Variants in FAHD2B observed in about 807,000 individuals in gnomAD.
FAHD2B encodes the protein fumarylacetoacetate hydrolase domain containing 2B.
In FAHD2B, 26 loss-of-function variants were observed where a neutral mutation model predicts 33.7. That is an observed-to-expected ratio of 0.77 (90% CI 0.57 to 1.07). FAHD2B has a LOEUF of 1.07. Ranked by LOEUF, FAHD2B falls within the 50% of genes least tolerant of loss-of-function variation. The pLI is 0.00. For synonymous variants in FAHD2B, 108 were observed against 150.9 expected, an observed-to-expected ratio of 0.72 and a Z score of 2.08; for missense variants, 272 against 388.1, an observed-to-expected ratio of 0.70 and a Z score of 2.51.
downstream of FAHD2B, among the ~76,000 whole-genome samples, chr2:97,079,642 CTTT>C (rs1206224446): frequency 3.3e-5 from 5 of 149,736 alleles, 1 homozygote; most frequent in African/African-American, 7.3e-5. Context: ...GTTTAAATTT[CTTT>C]TTTATTTTAT....
At chr2:97,080,900 TATAGAA>T (rs1159809877), downstream of FAHD2B, among the ~76,000 whole-genome samples, 1 of 152,154 alleles carries the variant, frequency 6.6e-6, no homozygotes, top group Non-Finnish European at 1.5e-5. Context: ...GTTGTTGGTG[TATAGAA>T]ATGCTATAAC....
At chr2:97,086,463 C>G in intron 4 of FAHD2B, 1 of 501,282 alleles carries the variant, frequency 2.0e-6, no homozygotes. Flanking sequence ...GTCCAGGGCA[C>G]TGAGTTTAAA....
intron 1 of FAHD2B, among the ~76,000 whole-genome samples, chr2:97,093,715 C>T (rs1311902865): frequency 3.3e-5 from 5 of 152,134 alleles, no homozygotes; most frequent in East Asian, 1.9e-4. Flanking sequence ...CCTTGTGATC[C>T]GCCCACCTCG....
chr2:97,091,087 G>A (rs2032307488), intron 3 of FAHD2B, among the ~76,000 whole-genome samples: 1 of 72,768 alleles, frequency 1.4e-5, no homozygotes, highest in African/African-American at 4.0e-5. Flanking sequence ...CTCCTTGTAG[G>A]AGCTGGGAGT....
chr2:97,084,489 A>G (rs1216295037), intron 6 of FAHD2B, among the ~76,000 whole-genome samples: 1 of 151,950 alleles, frequency 6.6e-6, no homozygotes, highest in African/African-American at 2.4e-5. Context: ...ACCAGGCAGT[A>G]GTCACTTGAA....
downstream of FAHD2B, chr2:97,082,543 C>T (rs992846388): frequency 6.3e-7 from 1 of 1,598,276 alleles, no homozygotes; most frequent in Non-Finnish European, 8.5e-7. Flanking sequence ...CAGACAGTGA[C>T]AACCCAAGTC....
In FAHD2B at chr2:97,085,884, C is replaced by G. The variant is rs1574373107; in HGVS notation, c.523-23G>C. The G allele has an allele frequency of 3.1e-6, 5 of 1,613,572 alleles. No individual in the cohort carries two copies. In the East Asian group the frequency reaches 1.1e-4, roughly 36 times the overall value. On this transcript the variant is annotated intron_variant, in intron 5 of 8. Coordinates refer to ENST00000414820, the MANE Select transcript of FAHD2B (RefSeq NM_001320848.2). Reference sequence around the variant, plus strand: ...GGCCTATGGGGGCAGGGGATTTGGCCATACAGGAGGTTAGATCACGGGTGA... The same window carrying G: ...GGCCTATGGGGGCAGGGGATTTGGCGATACAGGAGGTTAGATCACGGGTGA...
intron 1 of FAHD2B, 33 bp from the exon 2 acceptor site, chr2:97,092,021 C>G (rs974032148): frequency 2.0e-5 from 6 of 295,762 alleles, no homozygotes; most frequent in Non-Finnish European, 3.8e-5. Context: ...GTAGGTCAAA[C>G]TCAGCCCTGC....
At chr2:97,083,457 C>T (rs2031737051), downstream of FAHD2B, 1 of 1,272,956 alleles carries the variant, frequency 7.9e-7, no homozygotes, top group Non-Finnish European at 1.1e-6. Context: ...GTTGTCTTTT[C>T]CCCAGCCCAG....
Position 97,090,462 on chromosome 2 carries a change from G to C in FAHD2B, c.246-137C>G, listed in dbSNP as rs2924056. On this transcript the variant is annotated intron_variant, in intron 3 of 8. Transcript: ENST00000414820. ...CTAGCTCTATCAACCATCAGAGTCAGTGTGAAAACCACTGACTATTGTCCT... is the reference window on the plus strand; with the variant it reads ...CTAGCTCTATCAACCATCAGAGTCACTGTGAAAACCACTGACTATTGTCCT... 2.1e-5 allele frequency: 31 copies of C among 1,454,116 alleles called. No homozygotes were observed. The East Asian group carries it at 7.0e-4, about 33-fold the overall frequency. 90.1% of individuals were successfully genotyped at this position (1,454,116 alleles called of 1,614,324 possible). A position where few individuals can be genotyped will look rare whatever the true frequency, so the allele number is the denominator to read the frequency against.
rs374148378 is a variant in FAHD2B, at chr2:97,091,267, T to A, written c.245+195A>T. On this transcript the variant is annotated intron_variant, in intron 3 of 8. Transcript: ENST00000414820. ...TTGTTAATCACCTCCCCTAGCTCTC[T>A]GTTTTCTCCTCTGAAAACTGAAGAT... Among the ~76,000 whole-genome samples, 546 of 131,772 alleles carry A rather than the reference T, an allele frequency of 4.1e-3. 3 individuals are homozygous for A. The highest frequency in any genetic ancestry group is 0.011 in the African/African-American group (379 of 34,484). 86.4% of individuals were successfully genotyped at this position (131,772 alleles called of 152,430 possible). A position where few individuals can be genotyped will look rare whatever the true frequency, so the allele number is the denominator to read the frequency against.
At chr2:97,079,353 T>C (rs1407941202), downstream of FAHD2B, among the ~76,000 whole-genome samples, 1 of 152,128 alleles carries the variant, frequency 6.6e-6, no homozygotes, top group African/African-American at 2.4e-5. Flanking sequence ...ATCACACTGT[T>C]TTCCACAATG....
rs763094611 is a variant in FAHD2B, at chr2:97,085,790, T to C, written c.594A>G (p.Thr198=). Residue 198 remains threonine (T), a synonymous_variant, in exon 6 of 9, where the codon ACA becomes ACG. Transcript: ENST00000414820. ...GCAGCCACTGTTTCCCATTGCGTCT[T>C]GTTAGCCAGTCACGAGCACTCACGT... ...AHDVSARDWL[T]RRNGKQWLLG... 3.7e-6 allele frequency: 6 copies of C among 1,613,662 alleles called. No individual in the cohort carries two copies. The highest frequency in any genetic ancestry group is 1.3e-5 in the African/African-American group (1 of 74,902).
chr2:97,081,503 G>A (rs540435652), downstream of FAHD2B: 224 of 1,576,706 alleles, frequency 1.4e-4, 3 homozygotes, highest in East Asian at 5.1e-3. Context: ...GCGGGCTCCT[G>A]GTTGCTGAGG....
In FAHD2B at chr2:97,083,764, C is replaced by T. The variant is rs2031761400; in HGVS notation, c.936G>A (p.Lys312=). 3.1e-6 allele frequency: 5 copies of T among 1,614,118 alleles called. No individual in the cohort carries two copies. The highest frequency in any genetic ancestry group is 4.2e-6 in the Non-Finnish European group (5 of 1,180,030). ...EIEELGVIIN[K]VV is the part of the protein sequence containing the mutation. The stretch of plus-strand genomic sequence containing the variant: ...GCCTGTGCAGGAGCCATCACACCAC[C>T]TTGTTGATGATGACACCTAGTTCTT... The change falls in exon 9 of 9, where the codon AAG becomes AAA. Residue 312 remains lysine (K), a synonymous_variant. Coordinates refer to ENST00000414820, the MANE Select transcript of FAHD2B (RefSeq NM_001320848.2).
intron 6 of FAHD2B, among the ~76,000 whole-genome samples, chr2:97,084,839 G>A (rs566305277): frequency 6.6e-6 from 1 of 150,852 alleles, no homozygotes; most frequent in African/African-American, 2.5e-5. Flanking sequence ...CTTGAACCCA[G>A]GAGGTTGAGG....
chr2:97,084,138 C>A (rs772048794), intron 7 of FAHD2B, 31 bp downstream of exon 7: 24 of 1,612,828 alleles, frequency 1.5e-5, no homozygotes, highest in Non-Finnish European at 1.9e-5. Context: ...GCAGGTGGAG[C>A]GGGGCTGGCA....
At chr2:97,089,528 A>G in intron 4 of FAHD2B, among the ~76,000 whole-genome samples, 1 of 149,668 alleles carries the variant, frequency 6.7e-6, no homozygotes, top group Admixed American at 6.7e-5. Flanking sequence ...AAAAAAAAAA[A>G]AAAAAAAAGG....
chr2:97,079,802 G>T (rs2315158), downstream of FAHD2B, among the ~76,000 whole-genome samples: 7 of 151,682 alleles, frequency 4.6e-5, no homozygotes, highest in African/African-American at 1.5e-4. Flanking sequence ...GTAGCTGGGA[G>T]TACAGGCATG....
Sources: gnomAD v4.1 joint callset for allele counts (sites outside exome capture counted in the v4.1 genomes callset) on GRCh38, gnomAD v4.1.1 for gene constraint, MANE v1.5 for transcripts, NCBI Gene and HGNC (gene_info 2026-07-23, HGNC 2026-07-21) for gene names.